FXR1: variants seen among roughly 807,000 people sequenced by gnomAD.
FXR1 encodes the protein FMR1 autosomal homolog 1, also known as RNA-binding protein FXR1.
FXR1 carries 15 observed loss-of-function variants against 84.0 expected under a neutral mutation model. The observed-to-expected ratio is 0.18, with a 90% CI of 0.12 to 0.27. FXR1 has a LOEUF of 0.27. Ranked by LOEUF, FXR1 falls within the 10% of genes least tolerant of loss-of-function variation. FXR1 has a pLI of 1.00. For missense variants in FXR1, 480 were observed against 774.4 expected, an observed-to-expected ratio of 0.62 and a Z score of 4.51; for synonymous variants, 245 against 250.7, an observed-to-expected ratio of 0.98 and a Z score of 0.21.
intron 1 of FXR1, among the ~76,000 whole-genome samples, chr3:180,930,004 G>A (rs1470161487): frequency 5.3e-5 from 8 of 152,198 alleles, no homozygotes; most frequent in Non-Finnish European, 8.8e-5. Flanking sequence ...GGTGGCTCAC[G>A]CCTGTAATCC....
intron 1 of FXR1, among the ~76,000 whole-genome samples, chr3:180,924,322 G>C (rs2108430709): frequency 6.6e-6 from 1 of 152,246 alleles, no homozygotes; most frequent in South Asian, 2.1e-4. Context: ...TGGCACATAG[G>C]TCGTAGTACC....
intron 13 of FXR1, among the ~76,000 whole-genome samples, chr3:180,963,323 T>A (rs1712383592): frequency 6.6e-6 from 1 of 152,130 alleles, no homozygotes; most frequent in Non-Finnish European, 1.5e-5. Flanking sequence ...AGCATGTTTT[T>A]AAGTTGGTAG....
chr3:180,915,491 T>C, intron 1 of FXR1: 1 of 1,484,642 alleles, frequency 6.7e-7, no homozygotes, highest in Non-Finnish European at 9.1e-7. Flanking sequence ...TTTTAATTAG[T>C]TTTTTTCCAA....
chr3:180,933,785 A>G lies in FXR1; in HGVS notation c.104+399A>G, dbSNP rs765917177. Among the ~76,000 whole-genome samples, 76 of 152,120 alleles carry G rather than the reference A, an allele frequency of 5.0e-4. 1 individual carries two copies. Among genetic ancestry groups the G allele is most frequent in the Non-Finnish European group, 3.1e-4 (21 of 68,032 alleles). On this transcript the variant is annotated intron_variant, in intron 2 of 16. Coordinates refer to ENST00000357559, the MANE Select transcript of FXR1 (RefSeq NM_005087.4). ...GGTATGCAGTCTAAAAATGGGAAAG[A>G]CAGCATGCTGGGTTTGGTTAGGAAG...
At chr3:180,954,934 AAC>A (rs1245797198) in intron 9 of FXR1, among the ~76,000 whole-genome samples, 3 of 150,612 alleles carry the variant, frequency 2.0e-5, no homozygotes, top group Admixed American at 6.6e-5. Context: ...AGTAGTTTAA[AAC>A]ACAGGAATTT....
intron 7 of FXR1, 122 bp from the exon 8 acceptor site, chr3:180,951,176 T>A (rs1722201338): frequency 1.6e-6 from 1 of 614,360 alleles, no homozygotes; most frequent in African/African-American, 1.8e-5. Flanking sequence ...TGAGCCATGA[T>A]CACGCCACTG....
At chr3:180,915,797 T>G (rs1717826719) in intron 1 of FXR1, among the ~76,000 whole-genome samples, 1 of 152,258 alleles carries the variant, frequency 6.6e-6, no homozygotes, top group Non-Finnish European at 1.5e-5. Context: ...GAACTGAAAC[T>G]TCATTTCACA....
chr3:180,942,809 C>G (rs1721276518), intron 3 of FXR1, among the ~76,000 whole-genome samples: 1 of 152,138 alleles, frequency 6.6e-6, no homozygotes, highest in Non-Finnish European at 1.5e-5. Context: ...TATTCAATGA[C>G]AGATTCGTAA....
chr3:180,949,596 G>A (rs536541712), intron 7 of FXR1, among the ~76,000 whole-genome samples: 1 of 152,320 alleles, frequency 6.6e-6, no homozygotes, highest in Admixed American at 6.5e-5. Flanking sequence ...TGTTGGCCAG[G>A]CTGGTCTCGA....
At chr3:180,912,839 C>CCTCA in intron 1 of FXR1, 103 bp downstream of exon 1, 1 of 1,598,210 alleles carries the variant, frequency 6.3e-7, no homozygotes, top group Non-Finnish European at 8.6e-7. Flanking sequence ...GGAAAGGCAG[C>CCTCA]CAGGCCAAAG....
At chr3:180,925,736 A>G (rs1223332642) in intron 1 of FXR1, among the ~76,000 whole-genome samples, 2 of 152,258 alleles carry the variant, frequency 1.3e-5, no homozygotes, top group Non-Finnish European at 1.5e-5. Flanking sequence ...GACTGGGGCC[A>G]GAGTATGAAT....
In FXR1 at chr3:180,935,210, T is replaced by C. The variant is rs781710058; in HGVS notation, c.177T>C (p.Ile59=). 2.7e-6 allele frequency: 4 copies of C among 1,492,728 alleles called. No homozygotes were observed. Among genetic ancestry groups the C allele is most frequent in the Non-Finnish European group, 2.8e-6 (3 of 1,070,060 alleles). The allele number at this position is 1,492,728 out of a possible 1,614,324, so 92.5% of individuals were successfully genotyped here. A position where few individuals can be genotyped will look rare whatever the true frequency, so the allele number is the denominator to read the frequency against. The change falls in exon 3 of 17, where the codon ATT becomes ATC. Residue 59 remains isoleucine (I), a synonymous_variant. Transcript: ENST00000357559. ...CACCACCTGATATAAAAAAAGAAAT[T>C]AGTGAAGGAGATGAAGTAGAGGTAT... ...LPPPPDIKKE[I]SEGDEVEVYS... is the part of the protein sequence containing the mutation.
chr3:180,942,221 A>G (rs190362839), intron 3 of FXR1, among the ~76,000 whole-genome samples: 1 of 151,878 alleles, frequency 6.6e-6, no homozygotes, highest in South Asian at 2.1e-4. Context: ...TACTAAAAAT[A>G]CAAAAAATTA....
chr3:180,922,764 C>T (rs780155080), intron 1 of FXR1, among the ~76,000 whole-genome samples: 1 of 152,100 alleles, frequency 6.6e-6, no homozygotes, highest in Non-Finnish European at 1.5e-5. Flanking sequence ...AGACATGTGC[C>T]ACCATGCCCA....
intron 9 of FXR1, 86 bp from the exon 10 acceptor site, chr3:180,957,733 C>A: frequency 1.6e-6 from 1 of 625,708 alleles, no homozygotes; most frequent in South Asian, 2.2e-5. Context: ...AATTTAGTAG[C>A]AAGTTACAAA....
chr3:180,971,105 A>G lies in FXR1; in HGVS notation c.1603+747A>G, dbSNP rs1347679106. 7.1e-6 allele frequency: 9 copies of G among 1,272,710 alleles called. 1 individual carries two copies. Among genetic ancestry groups the G allele is most frequent in the African/African-American group, 4.6e-5 (3 of 65,354 alleles). 78.8% of individuals were successfully genotyped at this position (1,272,710 alleles called of 1,614,324 possible). ...AGTGAAAAAAAACCCCAGCGACGCA[A>G]TCGTAGCCGCAGGCGTCGCTTCAGG... On this transcript the variant is annotated intron_variant, in intron 15 of 16. Transcript: ENST00000357559.
chr3:180,922,849 A>G (rs1305234259), intron 1 of FXR1, among the ~76,000 whole-genome samples: 3 of 152,108 alleles, frequency 2.0e-5, no homozygotes, highest in Non-Finnish European at 4.4e-5. Context: ...CCTGGACTCA[A>G]GTGATCTTCC....
chr3:180,965,776 G>C (rs1712745270), intron 13 of FXR1, among the ~76,000 whole-genome samples: 1 of 152,122 alleles, frequency 6.6e-6, no homozygotes, highest in Non-Finnish European at 1.5e-5. Flanking sequence ...GAGTAATGTT[G>C]AGCACTAGCC....
Position 180,975,366 on chromosome 3 carries a change from C to T in FXR1, c.1657C>T (p.Leu553Phe). 6.5e-7 allele frequency: 1 copy of T among 1,537,386 alleles called. No homozygotes were observed. The highest frequency in any genetic ancestry group is 8.9e-7 in the Non-Finnish European group (1 of 1,119,840). Residue 553 changes from leucine to phenylalanine, a missense_variant, in exon 16 of 17, where the codon CTC becomes TTC. By Grantham distance (22) the Leu-to-Phe change is conservative. Around this residue, in one of 6 missense-constraint regions of FXR1, gnomAD observed 94 missense variants for 81.8 expected, o/e 1.15. Coordinates refer to ENST00000357559, the MANE Select transcript of FXR1 (RefSeq NM_005087.4). ...TGAGTCTCAGAGCAGACAAAGAAAC[C>T]TCCCAAGGGAAACTTTGGCTAAAAA... is the stretch of plus-strand genomic sequence containing the variant. ...RAESQSRQRN[L>F]PRETLAKNKK...
Sources: allele counts gnomAD v4.1 joint callset (sites outside exome capture counted in the v4.1 genomes callset), GRCh38; gene constraint gnomAD v4.1.1; regional missense constraint gnomAD v4.1.1; transcripts MANE v1.5; gene names NCBI Gene and HGNC (gene_info 2026-07-23, HGNC 2026-07-21).